GASK1A: variants seen among roughly 807,000 people sequenced by gnomAD.
GASK1A encodes Golgi-associated kinase 1A.
Under a neutral mutation model 41.2 loss-of-function variants are expected in GASK1A, and 40 were observed. The ratio of observed to expected loss-of-function variants is 0.97; its 90% confidence interval spans 0.75 to 1.27. GASK1A has a LOEUF of 1.27. GASK1A is among the 50% of genes most tolerant of loss of function. The pLI, the probability that GASK1A is intolerant of heterozygous loss-of-function variation, is 0.00. For synonymous variants in GASK1A, 316 were observed against 307.1 expected, an observed-to-expected ratio of 1.03 and a Z score of -0.30; for missense variants, 678 against 745.1, an observed-to-expected ratio of 0.91 and a Z score of 1.05.
At chr3:42,997,235 C>T (rs142499292) in intron 1 of GASK1A, among the ~76,000 whole-genome samples, 5 of 152,294 alleles carry the variant, frequency 3.3e-5, no homozygotes, top group Middle Eastern at 3.4e-3. Flanking sequence ...GTCAGAGGAA[C>T]ATAGTTTTGT....
At chr3:43,029,281 C>T (rs958449760) in intron 1 of GASK1A, among the ~76,000 whole-genome samples, 11 of 152,064 alleles carry the variant, frequency 7.2e-5, no homozygotes, top group South Asian at 4.2e-4. Context: ...TTGTGTCTCC[C>T]GGTGGTGACT....
At chr3:43,039,295 C>T (rs763396909) in intron 2 of GASK1A, among the ~76,000 whole-genome samples, 3 of 151,444 alleles carry the variant, frequency 2.0e-5, no homozygotes, top group South Asian at 2.1e-4. Flanking sequence ...CTCCACCTCC[C>T]GGGTTCAAGT....
intron 1 of GASK1A, among the ~76,000 whole-genome samples, chr3:42,999,341 A>G (rs1436393974): frequency 6.6e-6 from 1 of 152,210 alleles, no homozygotes; most frequent in African/African-American, 2.4e-5. Context: ...TCTCCTCCAC[A>G]GGCAGGCACC....
chr3:43,053,830 G>C, intron 3 of GASK1A, 187 bp downstream of exon 3: 2 of 769,112 alleles, frequency 2.6e-6, no homozygotes, highest in Non-Finnish European at 4.5e-6. Flanking sequence ...TGACAAAATG[G>C]AGCTTTAAGA....
intron 1 of GASK1A, among the ~76,000 whole-genome samples, chr3:42,997,444 G>GC (rs1404705931): frequency 1.3e-5 from 2 of 151,716 alleles, no homozygotes; most frequent in Non-Finnish European, 2.9e-5. Context: ...GAGAGGGGGG[G>GC]GGGATCTGGG....
At chr3:43,012,302 A>AAGTGGCTGTGTGAAGCCACTGGT (rs2089467708) in intron 1 of GASK1A, among the ~76,000 whole-genome samples, 1 of 150,236 alleles carries the variant, frequency 6.7e-6, no homozygotes, top group Non-Finnish European at 1.5e-5. Context: ...AAGCCACTGG[A>AAGTGGCTGTGTGAAGCCACTGGT]AGTAGCTGTG....
chr3:43,033,275 C>T lies in GASK1A; in HGVS notation c.1012C>T (p.Leu338=). The T allele has an allele frequency of 6.4e-7, 1 of 1,551,616 alleles. No individual in the cohort carries two copies. Among genetic ancestry groups the T allele is most frequent in the Admixed American group, 2.0e-5 (1 of 51,002 alleles). Residue 338 remains leucine, a synonymous_variant, in exon 2 of 5, where the codon CTG becomes TTG. Coordinates refer to ENST00000430121, the MANE Select transcript of GASK1A (RefSeq NM_001129908.3). ...CCTGTCCTTCCACGTAGATCGTGTGCTGGGGCTGCGCCGGAGCCTACCTGC... is the reference window on the plus strand; with the variant it reads ...CCTGTCCTTCCACGTAGATCGTGTGTTGGGGCTGCGCCGGAGCCTACCTGC... The part of the protein sequence containing the change: ...EVLSFHVDRV[L]GLRRSLPAVA...
intron 1 of GASK1A, among the ~76,000 whole-genome samples, chr3:42,985,332 C>T (rs551401610): frequency 4.5e-4 from 69 of 152,160 alleles, no homozygotes; most frequent in Middle Eastern, 3.4e-3. Flanking sequence ...AGTGGCATAT[C>T]AAGAAGGCCA....
At chr3:43,050,310 T>G (rs1355588693) in intron 2 of GASK1A, among the ~76,000 whole-genome samples, 2 of 152,168 alleles carry the variant, frequency 1.3e-5, no homozygotes, top group African/African-American at 2.4e-5. Flanking sequence ...GTTGACAGGC[T>G]CTCTTTTTTT....
At chr3:42,998,757 G>C (rs969582675) in intron 1 of GASK1A, among the ~76,000 whole-genome samples, 1 of 152,210 alleles carries the variant, frequency 6.6e-6, no homozygotes, top group East Asian at 1.9e-4. Context: ...GTGACCTTAG[G>C]TGCTAACCTG....
At chr3:43,041,399 T>G (rs991622040) in intron 2 of GASK1A, among the ~76,000 whole-genome samples, 12 of 152,234 alleles carry the variant, frequency 7.9e-5, no homozygotes, top group Non-Finnish European at 1.5e-4. Context: ...GTTTCCTGAC[T>G]TTTTAATGAT....
In GASK1A at chr3:43,053,902, C is replaced by T. The variant is rs182327439; in HGVS notation, c.1413+259C>T. On this transcript the variant is annotated intron_variant, in intron 3 of 4. Transcript: ENST00000430121. The stretch of plus-strand genomic sequence containing the variant: ...CCTTGTTTTCACTGTCTCCACTGCC[C>T]CTAAGAGACTCCAGGGAACAACTAG... 2,700 of 547,062 alleles carry T rather than the reference C, an allele frequency of 4.9e-3. 16 individuals are homozygous for T. The highest frequency in any genetic ancestry group is 7.5e-3 in the Non-Finnish European group (2,213 of 296,242). 33.9% of individuals were successfully genotyped at this position (547,062 alleles called of 1,614,324 possible).
intron 1 of GASK1A, among the ~76,000 whole-genome samples, chr3:43,027,132 A>G (rs1229079793): frequency 1.3e-5 from 2 of 152,242 alleles, no homozygotes; most frequent in East Asian, 3.8e-4. Context: ...TATGTAGGCA[A>G]CTTTACTTCA....
intron 1 of GASK1A, among the ~76,000 whole-genome samples, chr3:42,980,828 G>A (rs975443108): frequency 1.3e-5 from 2 of 152,202 alleles, no homozygotes; most frequent in South Asian, 2.1e-4. Context: ...AGCTTCAAAA[G>A]GGGGAATGAT....
At chr3:43,055,579 C>T in intron 4 of GASK1A, 44 bp downstream of exon 4, 1 of 1,382,362 alleles carries the variant, frequency 7.2e-7, no homozygotes, top group Non-Finnish European at 1.0e-6. Flanking sequence ...GGACTGAGAC[C>T]TGATGGCCTT....
At chr3:43,018,937 G>C (rs1368964132) in intron 1 of GASK1A, among the ~76,000 whole-genome samples, 2 of 152,206 alleles carry the variant, frequency 1.3e-5, no homozygotes, top group Non-Finnish European at 2.9e-5. Flanking sequence ...AAGCCAGACT[G>C]CCTGGGTTCG....
rs528583139 is a variant in GASK1A at position 43,053,792 on chromosome 3, AT to A, written c.1413+152del. On this transcript the variant is annotated intron_variant, in intron 3 of 4. Transcript: ENST00000430121. ...CAGCAGCAGAACCAGTTGTTTGAAT[AT>A]TTCCAGGAGTCCGCAATATATAAAG... is the stretch of plus-strand genomic sequence containing the variant. The A allele has an allele frequency of 6.0e-4, 564 of 943,420 alleles. 2 individuals are homozygous for A. Among genetic ancestry groups the A allele is most frequent in the Non-Finnish European group, 8.3e-4 (492 of 596,128 alleles). 58.4% of individuals were successfully genotyped at this position (943,420 alleles called of 1,614,324 possible). A position where few individuals can be genotyped will look rare whatever the true frequency, so the allele number is the denominator to read the frequency against.
chr3:42,986,874 G>A (rs141785939), intron 1 of GASK1A, among the ~76,000 whole-genome samples: 2,004 of 152,316 alleles, frequency 0.013, 148 homozygotes, highest in Admixed American at 0.12. Flanking sequence ...AGAACCTCCA[G>A]CCCTTGGTAA....
At chr3:43,011,117 C>T (rs979773671) in intron 1 of GASK1A, among the ~76,000 whole-genome samples, 2 of 152,202 alleles carry the variant, frequency 1.3e-5, no homozygotes, top group African/African-American at 4.8e-5. Context: ...GGCATGGTGA[C>T]TCACGCCTGT....
Sources: gnomAD v4.1 joint callset for allele counts (sites outside exome capture counted in the v4.1 genomes callset) on GRCh38, gnomAD v4.1.1 for gene constraint, MANE v1.5 for transcripts, NCBI Gene and HGNC (gene_info 2026-07-23, HGNC 2026-07-21) for gene names.